Variants in CD99 observed in about 807,000 individuals in gnomAD.
CD99 encodes CD99 antigen.
Under a neutral mutation model 28.4 loss-of-function variants are expected in CD99, and 19 were observed. That is an observed-to-expected ratio of 0.67 (90% confidence interval 0.47 to 0.98). The LOEUF (loss-of-function observed/expected upper bound fraction) is 0.98. Among genes scored for constraint, CD99 ranks in the 50% least tolerant of loss-of-function variants. CD99 has a pLI of 0.00. For missense variants in CD99, 283 were observed against 248.8 expected (o/e 1.14, Z -0.92); for synonymous variants, 103 against 92.1 (o/e 1.12, Z -0.67).
At chrX:2,692,475 T>C (rs2047370587) in intron 1 of CD99, among the ~76,000 whole-genome samples, 1 of 152,180 alleles carries the variant, frequency 6.6e-6, no homozygotes, top group African/African-American at 2.4e-5. Context: ...GCCGGGTCTC[T>C]ATTTTTAGGG....
At chrX:2,701,041 C>G (rs1291289668) in intron 1 of CD99, among the ~76,000 whole-genome samples, 4 of 151,458 alleles carry the variant, frequency 2.6e-5, no homozygotes, top group Admixed American at 2.6e-4. Context: ...ACCTACTCAC[C>G]CACCTAAACT....
chrX:2,740,185 A>G (rs2050134981), intron 9 of CD99, among the ~76,000 whole-genome samples: 4 of 152,174 alleles, frequency 2.6e-5, no homozygotes, highest in African/African-American at 9.7e-5. Flanking sequence ...CTATATCTTA[A>G]AGAGAAAAGG....
chrX:2,732,298 C>G (rs146262481), intron 8 of CD99, among the ~76,000 whole-genome samples: 2,518 of 152,188 alleles, frequency 0.017, 77 homozygotes, highest in African/African-American at 0.057. Context: ...CCCACAGAGC[C>G]CAGCTTCCGT....
intron 8 of CD99, 122 bp downstream of exon 8, chrX:2,726,495 C>G: frequency 1.4e-6 from 1 of 727,150 alleles, no homozygotes; most frequent in South Asian, 1.5e-5. Flanking sequence ...GCTGATGGTT[C>G]GTGAAACTGC....
chrX:2,724,185 CAT>C (rs1302570005), intron 7 of CD99, among the ~76,000 whole-genome samples: 10 of 152,286 alleles, frequency 6.6e-5, no homozygotes, highest in Non-Finnish European at 1.3e-4. Context: ...TAAGAAAACA[CAT>C]GTCTGGCATG....
At chrX:2,714,510 T>C (rs895362464) in intron 2 of CD99, 56 bp downstream of exon 2, 3 of 1,370,382 alleles carry the variant, frequency 2.2e-6, no homozygotes, top group African/African-American at 2.8e-5. Flanking sequence ...TAACATAGTA[T>C]ATACAGGCAT....
chrX:2,705,868 C>A (rs779312059), intron 1 of CD99, among the ~76,000 whole-genome samples: 1 of 152,192 alleles, frequency 6.6e-6, no homozygotes, highest in South Asian at 2.1e-4. Context: ...TGAAATGTAT[C>A]AGCTGCCTCC....
chrX:2,717,540 CAA>C (rs2048788633), intron 2 of CD99, 63 bp from the exon 3 acceptor site: 4 of 1,281,482 alleles, frequency 3.1e-6, no homozygotes, highest in African/African-American at 1.5e-5. Context: ...TCCTTAACCA[CAA>C]AAGAGTTGAC....
At chrX:2,723,166 G>A (rs1313376371) in intron 6 of CD99, 148 bp from the exon 7 acceptor site, 15 of 791,630 alleles carry the variant, frequency 1.9e-5, no homozygotes, top group Middle Eastern at 2.5e-4. Context: ...CCCTTAGAGT[G>A]TAATAGGCAG....
At chrX:2,738,591 G>T (rs2050060289) in intron 9 of CD99, among the ~76,000 whole-genome samples, 1 of 151,982 alleles carries the variant, frequency 6.6e-6, no homozygotes, top group Admixed American at 6.6e-5. Context: ...TGAGTGTGGT[G>T]GTGGGCGCCT....
chrX:2,708,880 C>T (rs909251963), intron 1 of CD99, among the ~76,000 whole-genome samples: 48 of 152,132 alleles, frequency 3.2e-4, no homozygotes, highest in African/African-American at 1.1e-3. Context: ...ACACTGGTGG[C>T]GGGAGGGCCT....
intron 2 of CD99, chrX:2,714,801 A>G (rs1221077876): frequency 1.3e-5 from 3 of 232,758 alleles, no homozygotes; most frequent in Non-Finnish European, 2.5e-5. Flanking sequence ...TGTAAAACAC[A>G]CAGTATTTGC....
Position 2,703,823 on chromosome X carries a change from C to T in CD99, c.68-10599C>T, listed in dbSNP as rs1234907031. On this transcript the variant is annotated intron_variant, in intron 1 of 9. Transcript: ENST00000381192. ...GAAGTTGGAAAAAGTGCTGAGGCCCCTAAGTCAGTTTCCGGTGTTTCCACG... is the reference window on the plus strand; with the variant it reads ...GAAGTTGGAAAAAGTGCTGAGGCCCTTAAGTCAGTTTCCGGTGTTTCCACG... Among the ~76,000 whole-genome samples, 3 of 152,206 alleles carry T rather than the reference C, an allele frequency of 2.0e-5. No homozygotes were observed. In the East Asian group the frequency reaches 5.8e-4, roughly 29 times the overall value.
chrX:2,717,238 C>T (rs1431222482), intron 2 of CD99: 3 of 194,016 alleles, frequency 1.5e-5, no homozygotes, highest in Non-Finnish European at 2.1e-5. Context: ...AGCCCAGCTA[C>T]TCGGGAGGCT....
chrX:2,700,592 C>T (rs1047402431), intron 1 of CD99, among the ~76,000 whole-genome samples: 4 of 151,672 alleles, frequency 2.6e-5, no homozygotes, highest in Admixed American at 1.3e-4. Context: ...ATCCGTCGTC[C>T]CATTCCTTTA....
At chrX:2,694,790 C>T (rs1400620502) in intron 1 of CD99, among the ~76,000 whole-genome samples, 1 of 152,028 alleles carries the variant, frequency 6.6e-6, no homozygotes, top group African/African-American at 2.4e-5. Context: ...GCTCTTTCTC[C>T]TTTCTCTGTG....
Position 2,734,484 on chromosome X carries a change from T to C in CD99, c.476-3716T>C, listed in dbSNP as rs1286396010. On this transcript the variant is annotated intron_variant, in intron 8 of 9. Transcript: ENST00000381192. ...ACCACACCCAGCTAATTTTTGTATT[T>C]TTAGTAGAGACGGGGTTTCTCCATG... 6.6e-5 allele frequency among the ~76,000 whole-genome samples: 10 copies of C among 152,030 alleles called. No individual in the cohort carries two copies. In the East Asian group the frequency reaches 1.9e-3, roughly 29 times the overall value.
chrX:2,721,973 T>C (rs777959518), intron 5 of CD99, among the ~76,000 whole-genome samples: 26 of 152,344 alleles, frequency 1.7e-4, no homozygotes, highest in African/African-American at 6.3e-4. Context: ...GTTAATTTGC[T>C]GCAGATTTTT....
intron 2 of CD99, among the ~76,000 whole-genome samples, chrX:2,716,388 G>C (rs1239752975): frequency 6.6e-6 from 1 of 151,984 alleles, no homozygotes; most frequent in African/African-American, 2.4e-5. Context: ...TCAGGTTGGA[G>C]TGCAGTGTTG....
Sources: gnomAD v4.1 joint callset for allele counts (sites outside exome capture counted in the v4.1 genomes callset) on GRCh38, gnomAD v4.1.1 for gene constraint, MANE v1.5 for transcripts, NCBI Gene and HGNC (gene_info 2026-07-23, HGNC 2026-07-21) for gene names.